The following COL4A5 variants were observed in gnomAD, a reference collection of about 807,000 sequenced individuals.
COL4A5 encodes collagen type IV alpha 5 chain.
Under a neutral mutation model 130.2 loss-of-function variants are expected in COL4A5, and 26 were observed. That is an observed-to-expected ratio of 0.20 (90% CI 0.15 to 0.28). The LOEUF (loss-of-function observed/expected upper bound fraction) is 0.28, where lower values mean the gene tolerates loss of function less well. Among genes scored for constraint, COL4A5 ranks in the 10% least tolerant of loss-of-function variants. The pLI, the probability that COL4A5 is intolerant of heterozygous loss-of-function variation, is 1.00. For synonymous variants in COL4A5, 496 were observed against 439.6 expected (o/e 1.13, Z -1.60); for missense variants, 1,131 against 1,344.3 (o/e 0.84, Z 2.48).
At chrX:108,511,187 TGAAA>T in intron 1 of COL4A5, among the ~76,000 whole-genome samples, 1 of 111,746 alleles carries the variant, frequency 8.9e-6, no homozygotes, top group Middle Eastern at 4.7e-3. Flanking sequence ...AGCATAAAGT[TGAAA>T]GAGTTTTACA....
At chrX:108,676,497 C>G (rs964785439) in intron 43 of COL4A5, among the ~76,000 whole-genome samples, 95 of 111,679 alleles carry the variant, frequency 8.5e-4, no homozygotes, top group African/African-American at 2.9e-3. Flanking sequence ...ATTAAAAACA[C>G]AGCAAAAGTA....
chrX:108,506,341 C>CATCTATCT (rs59216072), intron 1 of COL4A5, among the ~76,000 whole-genome samples: 90 of 98,086 alleles, frequency 9.2e-4, no homozygotes, highest in African/African-American at 1.2e-3. Context: ...TTTATTCTAT[C>CATCTATCT]ATCTATCTAT....
chrX:108,667,217 T>A lies in COL4A5; in HGVS notation c.3604+34T>A, dbSNP rs1187617974. ...TAATAAAACATGCTAAATCAATCTA[T>A]AATAAAATGAGATTATTTCCAAATA... On this transcript the variant is annotated intron_variant, in intron 40 of 52. Transcript: ENST00000328300. The A allele has an allele frequency of 4.5e-6, 5 of 1,118,877 alleles. No homozygotes were observed. In the Admixed American group the frequency reaches 1.1e-4, roughly 25 times the overall value. 92.2% of individuals were successfully genotyped at this position (1,118,877 alleles called of 1,213,427 possible). A position where few individuals can be genotyped will look rare whatever the true frequency, so the allele number is the denominator to read the frequency against.
At chrX:108,522,059 C>T (rs889844394) in intron 1 of COL4A5, among the ~76,000 whole-genome samples, 3 of 110,776 alleles carry the variant, frequency 2.7e-5, no homozygotes, top group African/African-American at 9.8e-5. Flanking sequence ...AATCATGCAA[C>T]GTGTGGTATT....
chrX:108,630,494 A>T (rs1268568464), intron 36 of COL4A5, among the ~76,000 whole-genome samples: 2 of 111,601 alleles, frequency 1.8e-5, no homozygotes, highest in Non-Finnish European at 3.8e-5. Flanking sequence ...CCACATTTTG[A>T]TGGGGTTGTT....
intron 47 of COL4A5, among the ~76,000 whole-genome samples, chrX:108,683,504 T>C (rs1047250561): frequency 8.9e-6 from 1 of 111,834 alleles, no homozygotes; most frequent in Non-Finnish European, 1.9e-5. Context: ...ATTTTCATGA[T>C]ATTGATTCTT....
intron 10 of COL4A5, among the ~76,000 whole-genome samples, chrX:108,577,527 A>G (rs897932026): frequency 4.5e-5 from 5 of 111,339 alleles, no homozygotes; most frequent in Admixed American, 9.6e-5. Context: ...TCAGATACAC[A>G]AAGTCATATT....
intron 4 of COL4A5, among the ~76,000 whole-genome samples, chrX:108,567,319 T>C (rs756848838): frequency 3.6e-5 from 4 of 112,127 alleles, no homozygotes; most frequent in Non-Finnish European, 5.6e-5. Context: ...TTATTTTTCA[T>C]TTTTAATGAT....
At position 108,578,149 on chromosome X, in the gene COL4A5, G is replaced by T. The variant is rs760625610; in HGVS notation, c.687+30G>T. The T allele has an allele frequency of 6.7e-6, 8 of 1,196,372 alleles. No individual in the cohort carries two copies. In the South Asian group the frequency reaches 1.1e-4, roughly 16 times the overall value. ...GTAAAGAAAGAGAGCTGGTTATTCA[G>T]CCCTCAGCTTTCTCTTTTTGTAGTC... is the stretch of plus-strand genomic sequence containing the variant. On this transcript the variant is annotated intron_variant, in intron 12 of 52. Coordinates refer to ENST00000328300, the MANE Select transcript of COL4A5 (RefSeq NM_033380.3).
intron 4 of COL4A5, among the ~76,000 whole-genome samples, chrX:108,565,817 G>T (rs1161168055): frequency 9.0e-6 from 1 of 111,425 alleles, no homozygotes; most frequent in African/African-American, 3.3e-5. Context: ...AGGCACTAAA[G>T]AACTTTCTGG....
chrX:108,500,913 G>T (rs1335918186), intron 1 of COL4A5, among the ~76,000 whole-genome samples: 1 of 110,873 alleles, frequency 9.0e-6, no homozygotes, highest in Non-Finnish European at 1.9e-5. Context: ...GGGGACAGAG[G>T]ACCGAAGAAG....
At chrX:108,612,492 T>G (rs1311092048) in intron 29 of COL4A5, among the ~76,000 whole-genome samples, 2 of 111,661 alleles carry the variant, frequency 1.8e-5, no homozygotes, top group Non-Finnish European at 3.8e-5. Context: ...ATTATGTTTT[T>G]ATATACTATC....
At chrX:108,550,726 A>AT (rs1475272032) in intron 2 of COL4A5, among the ~76,000 whole-genome samples, 10 of 111,611 alleles carry the variant, frequency 9.0e-5, no homozygotes, top group South Asian at 7.4e-4. Flanking sequence ...AGGAAGAAAT[A>AT]ATTTTTTTTG....
chrX:108,669,691 A>G (rs1169939425), intron 41 of COL4A5, among the ~76,000 whole-genome samples: 1 of 112,181 alleles, frequency 8.9e-6, no homozygotes, highest in African/African-American at 3.2e-5. Context: ...TATTTTAATC[A>G]TCACTGTGGT....
At chrX:108,507,903 T>C (rs1454493162) in intron 1 of COL4A5, among the ~76,000 whole-genome samples, 1 of 111,528 alleles carries the variant, frequency 9.0e-6, no homozygotes, top group Non-Finnish European at 1.9e-5. Context: ...TAATAAGAGC[T>C]CTCTGTGACA....
At chrX:108,488,763 GCA>G (rs2147542068) in intron 1 of COL4A5, among the ~76,000 whole-genome samples, 1 of 111,429 alleles carries the variant, frequency 9.0e-6, no homozygotes, top group South Asian at 3.8e-4. Context: ...GGATTGATAG[GCA>G]CAATGTCTTT....
rs1225310226 is a variant in COL4A5, at chrX:108,665,555, A to C, written c.3422A>C (p.Asn1141Thr). 8.3e-7 allele frequency: 1 copy of C among 1,208,504 alleles called. No individual in the cohort carries two copies. Among genetic ancestry groups the C allele is most frequent in the East Asian group, 3.0e-5 (1 of 33,824 alleles). Reference sequence around the variant, plus strand: ...AAAGGTATTAGTGGCCCTCCTGGGAACCCCGGCCTTCCAGGAGAACCTGGT... The same window carrying C: ...AAAGGTATTAGTGGCCCTCCTGGGACCCCCGGCCTTCCAGGAGAACCTGGT... Reference protein sequence around the residue: ...GPKGISGPPGNPGLPGEPGPV... With the variant: ...GPKGISGPPGTPGLPGEPGPV... Residue 1141 changes from asparagine (N) to threonine (T), a missense_variant, in exon 38 of 53, where the codon AAC (asparagine) becomes ACC (threonine). Asn to Thr is a moderately conservative substitution (Grantham distance 65). Coordinates refer to ENST00000328300, the MANE Select transcript of COL4A5 (RefSeq NM_033380.3).
At chrX:108,556,399 G>A (rs2065822948) in intron 2 of COL4A5, among the ~76,000 whole-genome samples, 1 of 110,990 alleles carries the variant, frequency 9.0e-6, no homozygotes, top group Admixed American at 9.7e-5. Context: ...TGAGAGCCTA[G>A]TTTTTTAGTA....
intron 47 of COL4A5, among the ~76,000 whole-genome samples, chrX:108,683,447 T>G (rs2068478688): frequency 9.0e-6 from 1 of 111,673 alleles, no homozygotes; most frequent in Non-Finnish European, 1.9e-5. Context: ...AATAGTAGCT[T>G]GATGGGGATA....
Sources: gnomAD v4.1 joint callset for allele counts (sites outside exome capture counted in the v4.1 genomes callset) on GRCh38, gnomAD v4.1.1 for gene constraint, MANE v1.5 for transcripts, NCBI Gene and HGNC (gene_info 2026-07-23, HGNC 2026-07-21) for gene names.